PAK3: variants seen among roughly 807,000 people sequenced by gnomAD.
PAK3 encodes the protein p21 (RAC1) activated kinase 3, also known as serine/threonine-protein kinase PAK 3.
PAK3 carries 4 observed loss-of-function variants against 41.0 expected under a neutral mutation model. The observed-to-expected ratio is 0.10, with a 90% confidence interval of 0.05 to 0.22. The LOEUF is 0.22. Among genes scored for constraint, PAK3 ranks in the 10% least tolerant of loss-of-function variants. The pLI is 1.00. For missense variants in PAK3, 205 were observed against 409.9 expected (o/e 0.50, Z 4.32); for synonymous variants, 146 against 139.6 (o/e 1.05, Z -0.32).
At chrX:111,066,979 G>A (rs2092706347) in intron 1 of PAK3, among the ~76,000 whole-genome samples, 1 of 111,731 alleles carries the variant, frequency 9.0e-6, no homozygotes, top group African/African-American at 3.2e-5. Flanking sequence ...TGTTGATGAT[G>A]TGTAGGAAAG....
At chrX:111,070,448 T>C (rs1201813347) in intron 1 of PAK3, among the ~76,000 whole-genome samples, 2 of 111,866 alleles carry the variant, frequency 1.8e-5, no homozygotes, top group African/African-American at 6.5e-5. Flanking sequence ...CTGAGCCACA[T>C]TTGCTGTAGA....
chrX:111,146,996 C>T (rs1341189612), intron 6 of PAK3, among the ~76,000 whole-genome samples: 2 of 111,335 alleles, frequency 1.8e-5, no homozygotes, highest in Non-Finnish European at 3.8e-5. Context: ...AAGGCTTTGT[C>T]GTGGTTTTCA....
intron 1 of PAK3, among the ~76,000 whole-genome samples, chrX:110,966,729 A>C (rs1356351974): frequency 9.0e-6 from 1 of 111,286 alleles, no homozygotes; most frequent in Non-Finnish European, 1.9e-5. Flanking sequence ...AAAAAAAAAG[A>C]CTGGAAGGAA....
intron 16 of PAK3, among the ~76,000 whole-genome samples, chrX:111,202,675 A>G (rs777939642): frequency 8.9e-6 from 1 of 111,766 alleles, no homozygotes; most frequent in South Asian, 3.7e-4. Flanking sequence ...ACTTTGGTCT[A>G]TTTTCTCAGC....
rs914162721 is a variant in PAK3 at position 111,030,914 on chromosome X, C to T, written c.-28+86286C>T. Among the ~76,000 whole-genome samples the T allele has an allele frequency of 5.4e-5, 6 of 111,472 alleles. 1 individual carries two copies. The highest frequency in any genetic ancestry group is 2.9e-4 in the Admixed American group (3 of 10,395). Reference sequence around the variant, plus strand: ...TGAAAGTTTAAGCTACATTACAAGTCGGTTTGTAGTCAGCTGTACTAGTAA... The same window carrying T: ...TGAAAGTTTAAGCTACATTACAAGTTGGTTTGTAGTCAGCTGTACTAGTAA... On this transcript the variant is annotated intron_variant, in intron 1 of 14. Coordinates refer to the PAK3 transcript ENST00000425146.
intron 1 of PAK3, among the ~76,000 whole-genome samples, chrX:110,973,046 A>G (rs919746202): frequency 2.7e-5 from 3 of 112,115 alleles, no homozygotes; most frequent in Non-Finnish European, 3.8e-5. Flanking sequence ...CAATGCCTCC[A>G]AGAAATATGG....
chrX:111,202,336 A>G (rs1236917089), intron 16 of PAK3, among the ~76,000 whole-genome samples: 1 of 111,452 alleles, frequency 9.0e-6, no homozygotes, highest in Non-Finnish European at 1.9e-5. Context: ...TACTGATGTT[A>G]TGAGGCTTGT....
chrX:111,137,604 G>T (rs1048762213), intron 5 of PAK3, among the ~76,000 whole-genome samples: 4 of 111,586 alleles, frequency 3.6e-5, no homozygotes, highest in South Asian at 3.8e-4. Flanking sequence ...CAGAACATTG[G>T]GGTGGGCATA....
rs150208920 is a variant in PAK3, at chrX:110,975,694, A to G, written c.-28+31066A>G. On this transcript the variant is annotated intron_variant, in intron 1 of 14. Coordinates refer to the PAK3 transcript ENST00000425146. ...AGAACCAAGCTGGAGGCATCACGCT[A>G]CCTGACTTCAAACTATACTACAAGG... is the stretch of plus-strand genomic sequence containing the variant. Among the ~76,000 whole-genome samples the G allele has an allele frequency of 7.8e-3, 868 of 111,924 alleles. 9 individuals are homozygous for G. The highest frequency in any genetic ancestry group is 0.027 in the African/African-American group (824 of 30,769).
At chrX:110,970,708 A>G (rs2091189562) in intron 1 of PAK3, among the ~76,000 whole-genome samples, 1 of 111,899 alleles carries the variant, frequency 8.9e-6, no homozygotes, top group Non-Finnish European at 1.9e-5. Flanking sequence ...GCACATGTAT[A>G]CTTATGTAAA....
intron 1 of PAK3, among the ~76,000 whole-genome samples, chrX:111,088,190 T>C (rs543383461): frequency 2.7e-5 from 3 of 111,601 alleles, no homozygotes; most frequent in Non-Finnish European, 3.8e-5. Flanking sequence ...ACTACCCTAA[T>C]GCTTTCCCAC....
intron 16 of PAK3, among the ~76,000 whole-genome samples, chrX:111,204,158 G>A (rs962077437): frequency 9.0e-6 from 1 of 111,368 alleles, no homozygotes; most frequent in Non-Finnish European, 1.9e-5. Context: ...ATAGGAAAAT[G>A]GGACTTAGCC....
In PAK3 at chrX:111,103,323, A is replaced by C. The variant is rs2093183487; in HGVS notation, c.-28+17A>C. 8.9e-6 allele frequency: 1 copy of C among 112,298 alleles called. No individual in the cohort carries two copies. Among genetic ancestry groups the C allele is most frequent in the African/African-American group, 3.2e-5 (1 of 30,791 alleles). 9.3% of individuals were successfully genotyped at this position (112,298 alleles called of 1,213,427 possible). A position where few individuals can be genotyped will look rare whatever the true frequency, so the allele number is the denominator to read the frequency against. Reference sequence around the variant, plus strand: ...CGGTGTGAGGTGAGTAATGGAGTCCAGGGCAGGGAGTTAGGGATCTCCAAA... The same window carrying C: ...CGGTGTGAGGTGAGTAATGGAGTCCCGGGCAGGGAGTTAGGGATCTCCAAA... On this transcript the variant is annotated intron_variant, in intron 4 of 17. Transcript: ENST00000372007.
intron 1 of PAK3, among the ~76,000 whole-genome samples, chrX:110,991,474 C>T (rs2091645563): frequency 9.0e-6 from 1 of 111,310 alleles, no homozygotes; most frequent in Admixed American, 9.5e-5. Context: ...TCTCGGTTTC[C>T]TGGTCTTTAA....
chrX:111,183,474 C>G (rs1274402701), intron 11 of PAK3, among the ~76,000 whole-genome samples: 2 of 111,478 alleles, frequency 1.8e-5, no homozygotes, highest in African/African-American at 3.3e-5. Context: ...TTATTCCTAC[C>G]AGATTCTTCT....
chrX:111,021,003 C>G (rs2092170747), intron 1 of PAK3, among the ~76,000 whole-genome samples: 1 of 111,646 alleles, frequency 9.0e-6, no homozygotes, highest in East Asian at 2.9e-4. Flanking sequence ...CCACAGCAAA[C>G]ACTGCATAAG....
intron 1 of PAK3, among the ~76,000 whole-genome samples, chrX:110,970,370 A>T (rs573802108): frequency 8.0e-5 from 9 of 112,236 alleles, no homozygotes; most frequent in African/African-American, 2.9e-4. Context: ...TTGCCTGTTC[A>T]TCTGATGTTA....
chrX:111,145,720 G>A (rs1473946869), intron 6 of PAK3, among the ~76,000 whole-genome samples: 1 of 111,771 alleles, frequency 8.9e-6, no homozygotes, highest in Non-Finnish European at 1.9e-5. Flanking sequence ...GTTGGGTCAA[G>A]CATGTTTCTG....
chrX:111,134,429 C>T (rs1042225509), intron 5 of PAK3, among the ~76,000 whole-genome samples: 2 of 112,255 alleles, frequency 1.8e-5, no homozygotes, highest in Non-Finnish European at 3.8e-5. Context: ...GACCTGTCCC[C>T]ATATACTGGG....
Sources: allele counts gnomAD v4.1 joint callset (sites outside exome capture counted in the v4.1 genomes callset), GRCh38; gene constraint gnomAD v4.1.1; transcripts MANE v1.5; gene names NCBI Gene and HGNC (gene_info 2026-07-23, HGNC 2026-07-21).